Variants in NFASC observed in about 807,000 individuals in gnomAD.
NFASC encodes the protein neurofascin, also known as neurofascin homolog.
Under a neutral mutation model 147.5 loss-of-function variants are expected in NFASC, and 43 were observed. That is an observed-to-expected ratio of 0.29 (90% CI 0.23 to 0.38). The LOEUF is 0.38. Among genes scored for constraint, NFASC ranks in the 10% least tolerant of loss-of-function variants. The probability of loss-of-function intolerance (pLI) is 1.00; values close to 1 mark genes in which losing one functional copy is unlikely to be tolerated. For synonymous variants in NFASC, 622 were observed against 665.5 expected, an observed-to-expected ratio of 0.93 and a Z score of 1.01; for missense variants, 1,320 against 1,689.0, an observed-to-expected ratio of 0.78 and a Z score of 3.83.
chr1:204,993,125 G>C (rs930553975), intron 24 of NFASC, among the ~76,000 whole-genome samples: 1 of 152,172 alleles, frequency 6.6e-6, no homozygotes. Flanking sequence ...CGTGGGCCTG[G>C]CGTCCGGCCC....
chr1:205,003,784 C>G (rs2096051486), intron 27 of NFASC, among the ~76,000 whole-genome samples: 1 of 152,326 alleles, frequency 6.6e-6, no homozygotes, highest in South Asian at 2.1e-4. Flanking sequence ...CGAGGCTGAT[C>G]CTGGTAGCTT....
chr1:204,841,534 G>C (rs540409366), intron 1 of NFASC, among the ~76,000 whole-genome samples: 1 of 152,282 alleles, frequency 6.6e-6, no homozygotes, highest in African/African-American at 2.4e-5. Context: ...TAAAGCCACT[G>C]TTCAGTGCTC....
chr1:204,897,845 C>T (rs1047968289), intron 1 of NFASC, among the ~76,000 whole-genome samples: 25 of 151,940 alleles, frequency 1.6e-4, no homozygotes, highest in African/African-American at 5.8e-4. Context: ...AAGTGATTCT[C>T]CTGCCTCAGC....
At chr1:204,932,721 C>T (rs2092474780) in intron 2 of NFASC, among the ~76,000 whole-genome samples, 1 of 152,156 alleles carries the variant, frequency 6.6e-6, no homozygotes, top group Admixed American at 6.5e-5. Context: ...ACAGAAAGTG[C>T]GTGCCTCACA....
intron 1 of NFASC, among the ~76,000 whole-genome samples, chr1:204,835,045 G>A (rs145533036): frequency 1.4e-4 from 21 of 152,220 alleles, no homozygotes; most frequent in African/African-American, 4.8e-4. Context: ...GCAATGTGGA[G>A]GCTTATGAGA....
intron 2 of NFASC, among the ~76,000 whole-genome samples, chr1:204,930,151 G>A (rs959156558): frequency 2.6e-5 from 4 of 152,168 alleles, no homozygotes; most frequent in Non-Finnish European, 4.4e-5. Context: ...TTCTGAGGCT[G>A]CTGCCTGGGG....
At position 205,019,553 on chromosome 1, in the gene NFASC, G is replaced by C. The variant is rs1422533811; in HGVS notation, c.*3014G>C. On this transcript the variant is annotated 3_prime_UTR_variant, in exon 30 of 30. Transcript: ENST00000339876. The stretch of plus-strand genomic sequence containing the variant: ...CTAAGGCCTGAGCTGTGGATACCAT[G>C]GCGCGTGAGTTAGATGTGGTCCCTG... 1 of 152,192 alleles carries C rather than the reference G, an allele frequency of 6.6e-6. No homozygotes were observed. Among genetic ancestry groups the C allele is most frequent in the Non-Finnish European group, 1.5e-5 (1 of 68,046 alleles). The allele number at this position is 152,192 out of a possible 1,614,324, so 9.4% of individuals were successfully genotyped here. A position where few individuals can be genotyped will look rare whatever the true frequency, so the allele number is the denominator to read the frequency against.
At chr1:204,897,578 CT>C (rs764139649) in intron 1 of NFASC, among the ~76,000 whole-genome samples, 4,681 of 143,220 alleles carry the variant, frequency 0.033, 154 homozygotes, top group African/African-American at 0.088. Context: ...TTTCTTTTTC[CT>C]TTTTTTTTTT....
chr1:205,004,861 C>G (rs1387235738), intron 27 of NFASC, among the ~76,000 whole-genome samples: 1 of 152,230 alleles, frequency 6.6e-6, no homozygotes, highest in East Asian at 1.9e-4. Flanking sequence ...CTCTCTGACC[C>G]TCACCAGAAA....
At position 204,968,024 on chromosome 1, in the gene NFASC, G is replaced by T. The variant is rs1034512617; in HGVS notation, c.707-225G>T. ...GAGGGAAGCTGGGCTCCTCCAGGCAGATCCTTTCAGAACCTAGAGCTCCTC... is the reference window on the plus strand; with the variant it reads ...GAGGGAAGCTGGGCTCCTCCAGGCATATCCTTTCAGAACCTAGAGCTCCTC... On this transcript the variant is annotated intron_variant, in intron 8 of 29. Transcript: ENST00000339876. This position sits in a 1 kb window ranked among gnomAD's most constrained non-coding sequence, Gnocchi z 5.4. 2.5e-5 allele frequency: 12 copies of T among 489,402 alleles called. No homozygotes were observed. Among genetic ancestry groups the T allele is most frequent in the Non-Finnish European group, 4.1e-5 (11 of 270,326 alleles). The allele number at this position is 489,402 out of a possible 1,614,324, so 30.3% of individuals were successfully genotyped here.
chr1:204,837,087 CA>C (rs1673995868), intron 1 of NFASC, among the ~76,000 whole-genome samples: 1 of 152,212 alleles, frequency 6.6e-6, no homozygotes, highest in Admixed American at 6.5e-5. Flanking sequence ...TGGTTGCTGG[CA>C]AAAGCTAGTT....
Position 204,950,575 on chromosome 1 carries a change from G to GTA in NFASC, c.109+2_109+3dup. The GTA allele has an allele frequency of 6.2e-7, 1 of 1,612,568 alleles. No individual in the cohort carries two copies. The highest frequency in any genetic ancestry group is 8.5e-7 in the Non-Finnish European group (1 of 1,179,266). On this transcript the variant is annotated splice_donor_variant, in intron 4 of 29. Transcript: ENST00000339876. LOFTEE classifies it high-confidence loss of function. ...CTAACAGCAAGCATTCAGAATGAGCGTAAGTGCCCTGTGTGCCTCTCTGTG... is the reference window on the plus strand; with the variant it reads ...CTAACAGCAAGCATTCAGAATGAGCGTATAAGTGCCCTGTGTGCCTCTCTGTG...
At chr1:205,001,881 T>C (rs2095995627) in intron 26 of NFASC, among the ~76,000 whole-genome samples, 1 of 152,200 alleles carries the variant, frequency 6.6e-6, no homozygotes, top group African/African-American at 2.4e-5. Flanking sequence ...CCCACCATCC[T>C]GGCATCTTCA....
intron 25 of NFASC, 101 bp downstream of exon 25, chr1:204,997,507 G>A: frequency 7.4e-7 from 1 of 1,346,018 alleles, no homozygotes; most frequent in Non-Finnish European, 1.0e-6. Context: ...TGGGGTCTGG[G>A]GTGGTGTTTG....
chr1:204,950,025 A>G (rs1025798501), intron 3 of NFASC, among the ~76,000 whole-genome samples: 88 of 152,274 alleles, frequency 5.8e-4, no homozygotes, highest in African/African-American at 1.9e-3. Context: ...AGAGTCTTCC[A>G]TAGGATGGGA....
intron 11 of NFASC, among the ~76,000 whole-genome samples, chr1:204,972,392 A>T (rs569986342): frequency 6.6e-6 from 1 of 151,908 alleles, no homozygotes; most frequent in Admixed American, 6.6e-5. Context: ...TTGTTCTCTT[A>T]TCTTAGCCTT....
intron 25 of NFASC, 150 bp downstream of exon 25, chr1:204,997,556 G>T: frequency 1.1e-6 from 1 of 898,524 alleles, no homozygotes; most frequent in East Asian, 2.6e-5. Flanking sequence ...AAACTCACCC[G>T]TGACTGGATG....
chr1:204,957,633 G>A, intron 7 of NFASC, 23 bp from the exon 8 acceptor site: 1 of 1,612,350 alleles, frequency 6.2e-7, no homozygotes, highest in South Asian at 1.1e-5. Context: ...CTAACCTGCT[G>A]CCGTACCTCT....
Position 204,982,039 on chromosome 1 carries a change from G to T in NFASC, c.2470+19G>T. 2 of 1,485,332 alleles carry T rather than the reference G, an allele frequency of 1.3e-6. No homozygotes were observed. Among genetic ancestry groups the T allele is most frequent in the Non-Finnish European group, 1.8e-6 (2 of 1,104,612 alleles). 92.0% of individuals were successfully genotyped at this position (1,485,332 alleles called of 1,614,324 possible). ...GAAGATTGTGAGTAGTCTCCTCCCCGTCCCCCCATCAGGACCCTTGTGGCT... is the reference window on the plus strand; with the variant it reads ...GAAGATTGTGAGTAGTCTCCTCCCCTTCCCCCCATCAGGACCCTTGTGGCT... On this transcript the variant is annotated intron_variant, in intron 21 of 29. Transcript: ENST00000339876.
Sources: allele counts gnomAD v4.1 joint callset (sites outside exome capture counted in the v4.1 genomes callset), GRCh38; gene constraint gnomAD v4.1.1; non-coding constraint Gnocchi (gnomAD v3.1); transcripts MANE v1.5; gene names NCBI Gene and HGNC (gene_info 2026-07-23, HGNC 2026-07-21).